Variants in CSMD1 observed in about 807,000 individuals in gnomAD.
CSMD1 encodes the protein CUB and sushi domain-containing protein 1.
CSMD1 carries 213 observed loss-of-function variants against 417.5 expected under a neutral mutation model. The ratio of observed to expected loss-of-function variants is 0.51; its 90% CI spans 0.46 to 0.57. The LOEUF is 0.57. Among genes scored for constraint, CSMD1 ranks in the 20% least tolerant of loss-of-function variants. The pLI is 0.00. For synonymous variants in CSMD1, 2,862 were observed against 1,736.8 expected, an observed-to-expected ratio of 1.65 and a Z score of -16.11; for missense variants, 6,923 against 4,529.7, an observed-to-expected ratio of 1.53 and a Z score of -15.17.
chr8:3,523,243 G>C (rs574227183), intron 10 of CSMD1, among the ~76,000 whole-genome samples: 1 of 152,196 alleles, frequency 6.6e-6, no homozygotes, highest in South Asian at 2.1e-4. Context: ...AAGACCTAAA[G>C]CATCTACCAT....
At chr8:4,034,805 A>G (rs1244952598) in intron 3 of CSMD1, among the ~76,000 whole-genome samples, 1 of 152,198 alleles carries the variant, frequency 6.6e-6, no homozygotes, top group African/African-American at 2.4e-5. Context: ...AATTCTTCTT[A>G]GAAGGCACAC....
intron 10 of CSMD1, among the ~76,000 whole-genome samples, chr8:3,507,008 C>A (rs950000037): frequency 2.6e-5 from 4 of 152,074 alleles, no homozygotes; most frequent in African/African-American, 9.7e-5. Context: ...CATTTTCATA[C>A]AAGATGTTGT....
intron 4 of CSMD1, among the ~76,000 whole-genome samples, chr8:4,007,512 T>C (rs886864517): frequency 3.3e-5 from 5 of 151,966 alleles, no homozygotes; most frequent in African/African-American, 1.2e-4. Flanking sequence ...GCCACCATAT[T>C]TAAACTAGCA....
intron 1 of CSMD1, among the ~76,000 whole-genome samples, chr8:4,837,953 C>G (rs533990157): frequency 1.1e-4 from 17 of 152,212 alleles, no homozygotes; most frequent in African/African-American, 4.1e-4. Flanking sequence ...TCTAGCAATG[C>G]TCACTGAGGC....
At chr8:4,228,187 T>C (rs1157666463) in intron 3 of CSMD1, among the ~76,000 whole-genome samples, 2 of 152,186 alleles carry the variant, frequency 1.3e-5, no homozygotes, top group Non-Finnish European at 2.9e-5. Flanking sequence ...CTGCATGCAA[T>C]CCCACATCCA....
Position 2,966,598 on chromosome 8 carries a change from G to C in CSMD1, c.9072C>G (p.Thr3024=), listed in dbSNP as rs771346421. 1.9e-6 allele frequency: 3 copies of C among 1,613,658 alleles called. No individual in the cohort carries two copies. The highest frequency in any genetic ancestry group is 2.7e-5 in the African/African-American group (2 of 74,904). ...LMTRHCTANG[T]WTGTAPDCTI... ...TGCAGTCGGGAGCAGTGCCTGTCCA[G>C]GTCCCATTGGCTGTGCAATGCCGTG... The change falls in exon 58 of 70, where the codon ACC becomes ACG. Residue 3024 remains threonine, a synonymous_variant. Coordinates refer to ENST00000635120, the MANE Select transcript of CSMD1 (RefSeq NM_033225.6).
At chr8:4,611,992 G>C (rs1450976103) in intron 2 of CSMD1, among the ~76,000 whole-genome samples, 2 of 152,042 alleles carry the variant, frequency 1.3e-5, no homozygotes, top group African/African-American at 2.4e-5. Flanking sequence ...AAGTGCTCAG[G>C]TCTGAAATAG....
intron 2 of CSMD1, among the ~76,000 whole-genome samples, chr8:4,515,065 C>A (rs958831781): frequency 6.6e-6 from 1 of 152,152 alleles, no homozygotes; most frequent in Non-Finnish European, 1.5e-5. Context: ...ACCCAGAAGG[C>A]AAATGATACT....
At chr8:4,121,250 G>A (rs1337864285) in intron 3 of CSMD1, among the ~76,000 whole-genome samples, 1 of 152,042 alleles carries the variant, frequency 6.6e-6, no homozygotes, top group Non-Finnish European at 1.5e-5. Context: ...AGCTATCTGG[G>A]ATTACAGGCA....
intron 1 of CSMD1, among the ~76,000 whole-genome samples, chr8:4,786,580 G>C (rs1306670005): frequency 6.6e-6 from 1 of 152,220 alleles, no homozygotes; most frequent in Non-Finnish European, 1.5e-5. Flanking sequence ...AAATACAGCA[G>C]TGTGGCATTT....
intron 7 of CSMD1, among the ~76,000 whole-genome samples, chr8:3,651,145 C>A (rs1257711313): frequency 1.3e-5 from 2 of 152,172 alleles, no homozygotes; most frequent in East Asian, 3.9e-4. Flanking sequence ...CAGTAGCTTT[C>A]TTGCCGGTCT....
Position 4,081,459 on chromosome 8 carries a change from G to A in CSMD1, c.416-49360C>T, listed in dbSNP as rs1339827807. ...ACACCTTCTGGGGACTCCAGCCACG[G>A]TGTCATGGGAACACTAAATTAGCCC... On this transcript the variant is annotated intron_variant, in intron 3 of 69. Coordinates refer to ENST00000635120, the MANE Select transcript of CSMD1 (RefSeq NM_033225.6). 2.0e-5 allele frequency among the ~76,000 whole-genome samples: 3 copies of A among 152,092 alleles called. No homozygotes were observed. The East Asian group carries it at 5.8e-4, about 29-fold the overall frequency.
rs534479695 is a variant in CSMD1 at position 4,711,511 on chromosome 8, G to T, written c.86-73953C>A. ...TTATTTTCAGAGAAAGTATTTTTGG[G>T]ACATCTGTCCTGAAAAAAAAAGTGC... On this transcript the variant is annotated intron_variant, in intron 1 of 69. Coordinates refer to ENST00000635120, the MANE Select transcript of CSMD1 (RefSeq NM_033225.6). Among the ~76,000 whole-genome samples, 35 of 151,634 alleles carry T rather than the reference G, an allele frequency of 2.3e-4. No homozygotes were observed. In the East Asian group the frequency reaches 5.2e-3, roughly 23 times the overall value.
At chr8:4,553,958 T>A (rs1234281859) in intron 2 of CSMD1, among the ~76,000 whole-genome samples, 1 of 152,184 alleles carries the variant, frequency 6.6e-6, no homozygotes, top group African/African-American at 2.4e-5. Flanking sequence ...CCATTTAGCC[T>A]GTCACGCTGA....
At chr8:4,820,572 A>G (rs964797925) in intron 1 of CSMD1, among the ~76,000 whole-genome samples, 2 of 152,192 alleles carry the variant, frequency 1.3e-5, no homozygotes, top group Non-Finnish European at 2.9e-5. Flanking sequence ...AAAAGTGAGC[A>G]AAGAAATGCG....
chr8:3,931,535 T>C lies in CSMD1; in HGVS notation c.818+66368A>G, dbSNP rs542639753. Among the ~76,000 whole-genome samples, 3 of 150,348 alleles carry C rather than the reference T, an allele frequency of 2.0e-5. No homozygotes were observed. In the South Asian group the frequency reaches 6.4e-4, roughly 32 times the overall value. ...TCCAATTTCATTGAATTACAGTAAA[T>C]TTGTTTAACAAACTTCTTGTGGAGG... On this transcript the variant is annotated intron_variant, in intron 5 of 69. Coordinates refer to ENST00000635120, the MANE Select transcript of CSMD1 (RefSeq NM_033225.6).
intron 5 of CSMD1, among the ~76,000 whole-genome samples, chr8:3,828,908 C>T (rs1267874410): frequency 2.6e-5 from 4 of 152,204 alleles, no homozygotes; most frequent in Non-Finnish European, 4.4e-5. Context: ...TAGTGGCCTT[C>T]AGCTCACCCA....
chr8:3,313,996 C>T lies in CSMD1; in HGVS notation c.3632-5493G>A, dbSNP rs558683361. On this transcript the variant is annotated intron_variant, in intron 23 of 69. Transcript: ENST00000635120. ...GGACATGGATGAAGCTGGAAACCAT[C>T]ATTCTCAGCAAACTATCACAAGGAC... Among the ~76,000 whole-genome samples the T allele has an allele frequency of 3.9e-3, 598 of 152,206 alleles. 2 individuals carry two copies. The highest frequency in any genetic ancestry group is 5.1e-3 in the Non-Finnish European group (350 of 68,018).
At position 4,066,393 on chromosome 8, in the gene CSMD1, A is replaced by T. The variant is rs111873889; in HGVS notation, c.416-34294T>A. 4.5e-3 allele frequency among the ~76,000 whole-genome samples: 686 copies of T among 152,074 alleles called. 7 individuals carry two copies. Among genetic ancestry groups the T allele is most frequent in the Middle Eastern group, 0.017 (5 of 292 alleles). On this transcript the variant is annotated intron_variant, in intron 3 of 69. Transcript: ENST00000635120. ...CCCACTCAGCGCAGGGATGTTTGGCATGTCCTCTTAATTTTACAGAACACC... is the reference window on the plus strand; with the variant it reads ...CCCACTCAGCGCAGGGATGTTTGGCTTGTCCTCTTAATTTTACAGAACACC...
Sources: allele counts gnomAD v4.1 joint callset (sites outside exome capture counted in the v4.1 genomes callset), GRCh38; gene constraint gnomAD v4.1.1; transcripts MANE v1.5; gene names NCBI Gene and HGNC (gene_info 2026-07-23, HGNC 2026-07-21).